The following KIF7 variants were observed in gnomAD, a reference collection of about 807,000 sequenced individuals.
KIF7 encodes kinesin family member 7, also known as kinesin-like protein KIF7.
A neutral mutation model predicts 135.7 loss-of-function variants in KIF7; 104 were observed. That is an observed-to-expected ratio of 0.77 (90% CI 0.65 to 0.90). KIF7 has a LOEUF of 0.90. Among genes scored for constraint, KIF7 ranks in the 40% least tolerant of loss-of-function variants. The pLI, the probability that KIF7 is intolerant of heterozygous loss-of-function variation, is 0.00. For missense variants in KIF7, 2,005 were observed against 1,839.1 expected, an observed-to-expected ratio of 1.09 and a Z score of -1.65; for synonymous variants, 883 against 809.4, an observed-to-expected ratio of 1.09 and a Z score of -1.54.
intron 11 of KIF7, among the ~76,000 whole-genome samples, chr15:89,639,860 T>C (rs1487745416): frequency 1.3e-5 from 2 of 152,108 alleles, no homozygotes; most frequent in African/African-American, 2.4e-5. Flanking sequence ...TATTGTGGCA[T>C]TATTCACAAT....
rs1294736804 is a variant in KIF7 at position 89,646,886 on chromosome 15, T to C, written c.1732A>G (p.Met578Val). Residue 578 changes from methionine (M) to valine (V), a missense_variant, in exon 7 of 19, where the codon ATG becomes GTG. Met to Val is a conservative substitution (Grantham distance 21). Coordinates refer to ENST00000394412, the MANE Select transcript of KIF7 (RefSeq NM_198525.3). Reference sequence around the variant, plus strand: ...CCAGGGAGGCAGGCAGGCGGCACCATGCCCAGCACATGGGCGTGGGCACCC... The same window carrying C: ...CCAGGGAGGCAGGCAGGCGGCACCACGCCCAGCACATGGGCGTGGGCACCC... ...LGGAHAHVLG[M>V]VPPACLPGDE... 1 of 1,613,920 alleles carries C rather than the reference T, an allele frequency of 6.2e-7. No homozygotes were observed. The highest frequency in any genetic ancestry group is 1.3e-5 in the African/African-American group (1 of 74,892).
rs1259119357 is a variant in KIF7 at position 89,648,318 on chromosome 15, G to C, written c.1380C>G (p.Pro460=). 2.4e-5 allele frequency: 37 copies of C among 1,510,916 alleles called. No individual in the cohort carries two copies. In the South Asian group the frequency reaches 3.5e-4, roughly 14 times the overall value. 93.6% of individuals were successfully genotyped at this position (1,510,916 alleles called of 1,614,324 possible). ...ERSALSSASG[P]DSGIESASVE... is the part of the protein sequence containing the mutation. Reference sequence around the variant, plus strand: ...CGGAGGCGCTCTCGATGCCGCTATCGGGCCCGGAGGCGGAGCTCAGGGCGC... The same window carrying C: ...CGGAGGCGCTCTCGATGCCGCTATCCGGCCCGGAGGCGGAGCTCAGGGCGC... Residue 460 remains proline (P), a synonymous_variant, in exon 5 of 19, where the codon CCC becomes CCG. Coordinates refer to ENST00000394412, the MANE Select transcript of KIF7 (RefSeq NM_198525.3).
chr15:89,624,087 C>A (rs147300817), downstream of KIF7: 2 of 1,613,910 alleles, frequency 1.2e-6, no homozygotes, highest in East Asian at 4.5e-5. Flanking sequence ...CCTTCATGGG[C>A]ACGCCTCAGA....
chr15:89,648,971 C>T lies in KIF7; in HGVS notation c.923+3G>A, dbSNP rs1369596833. On this transcript the variant is annotated splice_donor_region_variant and intron_variant, in intron 4 of 18. Transcript: ENST00000394412. ...GCCACATAGGAGCCAGGGGGCAGCT[C>T]ACCGGGTGATCTTGGAGTCGCGGTA... 1 of 1,533,210 alleles carries T rather than the reference C, an allele frequency of 6.5e-7. No homozygotes were observed. Among genetic ancestry groups the T allele is most frequent in the African/African-American group, 1.4e-5 (1 of 72,754 alleles). The allele number at this position is 1,533,210 out of a possible 1,614,324, so 95.0% of individuals were successfully genotyped here. A position where few individuals can be genotyped will look rare whatever the true frequency, so the allele number is the denominator to read the frequency against.
intron 11 of KIF7, among the ~76,000 whole-genome samples, chr15:89,635,062 G>C (rs547403147): frequency 2.0e-5 from 3 of 152,156 alleles, no homozygotes; most frequent in South Asian, 2.1e-4. Context: ...CCCCAGCAGG[G>C]GCAGACTGAC....
At chr15:89,642,011 C>G (rs964726974) in intron 11 of KIF7, among the ~76,000 whole-genome samples, 192 bp downstream of exon 11, 2 of 152,118 alleles carry the variant, frequency 1.3e-5, no homozygotes, top group Non-Finnish European at 2.9e-5. Flanking sequence ...AGGACCTGCC[C>G]CCTGCCTCTA....
intron 8 of KIF7, 73 bp from the exon 9 acceptor site, chr15:89,645,524 GGAA>G (rs1317214452): frequency 2.3e-5 from 29 of 1,243,828 alleles, no homozygotes; most frequent in Non-Finnish European, 3.1e-5. Context: ...AGGCCTGGAG[GGAA>G]GAAGAGAGGC....
chr15:89,645,043 CCTT>C lies in KIF7; in HGVS notation c.2158_2160del (p.Lys720del). The C allele has an allele frequency of 1.2e-6, 2 of 1,607,870 alleles. No homozygotes were observed. Among genetic ancestry groups the C allele is most frequent in the Middle Eastern group, 1.6e-4 (1 of 6,062 alleles). ...CGGACCAGCTCGCCAATAAGCTCCT[CCTT>C]CATGCGGATGTTGATAGCCAGCTCC... On this transcript the variant is annotated inframe_deletion, in exon 10 of 19. Transcript: ENST00000394412.
chr15:89,624,471 G>T, downstream of KIF7: 4 of 1,614,186 alleles, frequency 2.5e-6, no homozygotes, highest in Non-Finnish European at 3.4e-6. Flanking sequence ...GGTGTAGAAA[G>T]ACCTCTGATC....
At chr15:89,648,081 G>T (rs1052307152) in intron 5 of KIF7, among the ~76,000 whole-genome samples, 174 bp downstream of exon 5, 3 of 152,198 alleles carry the variant, frequency 2.0e-5, no homozygotes, top group Non-Finnish European at 4.4e-5. Context: ...GGAGACCTGA[G>T]ACTCGGTGAA....
intron 11 of KIF7, among the ~76,000 whole-genome samples, chr15:89,636,270 C>G: frequency 2.0e-5 from 3 of 151,196 alleles, no homozygotes; most frequent in African/African-American, 7.3e-5. Context: ...ACTGCATGAA[C>G]TAACGAGCAA....
intron 14 of KIF7, among the ~76,000 whole-genome samples, chr15:89,631,988 G>T (rs1596067112): frequency 6.6e-6 from 1 of 152,344 alleles, no homozygotes; most frequent in East Asian, 1.9e-4. Flanking sequence ...AATGGGTAGG[G>T]GTGGGAGGAA....
chr15:89,627,216 G>A, downstream of KIF7: 1 of 1,152,638 alleles, frequency 8.7e-7, no homozygotes, highest in Non-Finnish European at 1.2e-6. Context: ...AATGCCTTAG[G>A]GTTTTCTAAT....
At chr15:89,639,220 C>G (rs1156229483) in intron 11 of KIF7, among the ~76,000 whole-genome samples, 1 of 152,210 alleles carries the variant, frequency 6.6e-6, no homozygotes, top group Admixed American at 6.5e-5. Context: ...CCATTTAGGA[C>G]ATAGGCATGG....
chr15:89,653,748 G>T (rs1356329706), intron 1 of KIF7, among the ~76,000 whole-genome samples: 6 of 15,774 alleles, frequency 3.8e-4, no homozygotes, highest in African/African-American at 3.1e-3. Context: ...TTTATTATTA[G>T]TATTAGTATT....
chr15:89,617,980 CTG>C (rs1963362786), intron 2 of KIF7: 4 of 720,850 alleles, frequency 5.5e-6, no homozygotes, highest in East Asian at 2.5e-5. Flanking sequence ...GCGTGAGACA[CTG>C]TGGCCAGCCT....
chr15:89,643,717 T>G (rs915991673), intron 10 of KIF7, among the ~76,000 whole-genome samples: 3 of 152,084 alleles, frequency 2.0e-5, no homozygotes, highest in Non-Finnish European at 4.4e-5. Context: ...AAACCCCGTC[T>G]CTACTAAAAA....
rs761226001 is a variant in KIF7 at position 89,649,915 on chromosome 15, T to C, written c.355A>G (p.Ile119Val). The C allele has an allele frequency of 6.4e-5, 100 of 1,551,436 alleles. 1 individual carries two copies. The Admixed American group carries it at 1.9e-3, about 29-fold the overall frequency. ...VASLLEDEQGIVPRAMAEAFK... is the reference protein window; with the variant it reads ...VASLLEDEQGVVPRAMAEAFK... Reference sequence around the variant, plus strand: ...GCCTCGGCCATGGCCCTCGGGACAATGCCCTGCTCATCCTCAAGGAGGGAG... The same window carrying C: ...GCCTCGGCCATGGCCCTCGGGACAACGCCCTGCTCATCCTCAAGGAGGGAG... The change falls in exon 3 of 19, where the codon ATT (isoleucine) becomes GTT (valine). Residue 119 changes from isoleucine to valine, a missense_variant. Ile to Val is a conservative substitution (Grantham distance 29). Coordinates refer to ENST00000394412, the MANE Select transcript of KIF7 (RefSeq NM_198525.3).
At chr15:89,624,195 A>G (rs1220635394), downstream of KIF7, 3 of 1,614,164 alleles carry the variant, frequency 1.9e-6, no homozygotes, top group East Asian at 4.5e-5. Context: ...CAAAAAGACC[A>G]GGGAATTCAA....
Sources: allele counts gnomAD v4.1 joint callset (sites outside exome capture counted in the v4.1 genomes callset), GRCh38; gene constraint gnomAD v4.1.1; transcripts MANE v1.5; gene names NCBI Gene and HGNC (gene_info 2026-07-23, HGNC 2026-07-21).